The following EHBP1 variants were observed in gnomAD, a reference collection of about 807,000 sequenced individuals.
EHBP1 encodes the protein EH domain binding protein 1, also known as EH domain-binding protein 1.
In EHBP1, 55 loss-of-function variants were observed where a neutral mutation model predicts 144.0. The observed-to-expected ratio is 0.38, with a 90% CI of 0.31 to 0.48. The LOEUF (loss-of-function observed/expected upper bound fraction) is 0.48. Among genes scored for constraint, EHBP1 ranks in the 20% least tolerant of loss-of-function variants. The pLI is 0.98. For synonymous variants in EHBP1, 469 were observed against 472.7 expected (o/e 0.99, Z 0.10); for missense variants, 1,200 against 1,364.2 (o/e 0.88, Z 1.90).
chr2:62,949,223 C>CT (rs552872772), intron 13 of EHBP1, 61 bp downstream of exon 13: 1 of 1,380,142 alleles, frequency 7.2e-7, no homozygotes, highest in South Asian at 1.5e-5. Flanking sequence ...GTTTTTGTTT[C>CT]TTTTTGCATT....
At chr2:62,802,361 A>G (rs960986341) in intron 5 of EHBP1, among the ~76,000 whole-genome samples, 5 of 152,152 alleles carry the variant, frequency 3.3e-5, no homozygotes, top group African/African-American at 9.7e-5. Flanking sequence ...TAAACACTCT[A>G]TGATGCATAG....
At chr2:62,771,513 G>A (rs1402209317) in intron 5 of EHBP1, 121 bp downstream of exon 5, 4 of 677,238 alleles carry the variant, frequency 5.9e-6, no homozygotes, top group Non-Finnish European at 9.7e-6. Context: ...ATAGTGATTT[G>A]TAGCTTTTAG....
intron 1 of EHBP1, among the ~76,000 whole-genome samples, chr2:62,699,608 G>C (rs2034212402): frequency 6.6e-6 from 1 of 152,212 alleles, no homozygotes; most frequent in African/African-American, 2.4e-5. Flanking sequence ...GCACTCTAGA[G>C]TTAGGGCTGG....
intron 5 of EHBP1, among the ~76,000 whole-genome samples, chr2:62,776,761 G>T (rs1164770098): frequency 1.3e-5 from 2 of 151,968 alleles, no homozygotes; most frequent in African/African-American, 2.4e-5. Flanking sequence ...GTGTAGATAA[G>T]AATGGATACT....
chr2:62,904,789 T>C (rs948873668), intron 10 of EHBP1, among the ~76,000 whole-genome samples: 7 of 152,156 alleles, frequency 4.6e-5, no homozygotes, highest in Admixed American at 2.6e-4. Flanking sequence ...TTGTTTTTTC[T>C]TTTTTTGCGG....
intron 4 of EHBP1, 113 bp downstream of exon 4, chr2:62,764,474 T>G: frequency 2.9e-6 from 2 of 684,932 alleles, no homozygotes; most frequent in Non-Finnish European, 4.5e-6. Flanking sequence ...GTACCTACTG[T>G]GCATTATTTT....
At chr2:62,922,980 C>T (rs2055204610) in intron 10 of EHBP1, among the ~76,000 whole-genome samples, 1 of 152,198 alleles carries the variant, frequency 6.6e-6, no homozygotes, top group Non-Finnish European at 1.5e-5. Context: ...AATCATGCAG[C>T]TGCATTGCCC....
intron 10 of EHBP1, 52 bp downstream of exon 10, chr2:62,874,584 C>T (rs759917982): frequency 2.6e-5 from 37 of 1,417,254 alleles, no homozygotes; most frequent in South Asian, 1.2e-4. Context: ...GTTTTCTCCC[C>T]GTGCCATTTA....
chr2:62,990,707 A>G lies in EHBP1; in HGVS notation c.2609-9A>G, dbSNP rs1220347856. 1 of 1,613,358 alleles carries G rather than the reference A, an allele frequency of 6.2e-7. No individual in the cohort carries two copies. The highest frequency in any genetic ancestry group is 2.2e-5 in the East Asian group (1 of 44,830). On this transcript the variant is annotated splice_polypyrimidine_tract_variant and intron_variant, in intron 15 of 22. Transcript: ENST00000431489. ...ACTCAGTTATTCATGGTATTTGCAT[A>G]TTTAACAGAACAAAACAGTAAGTTG... is the stretch of plus-strand genomic sequence containing the variant.
At chr2:62,764,941 G>A (rs2041059174) in intron 4 of EHBP1, among the ~76,000 whole-genome samples, 1 of 151,948 alleles carries the variant, frequency 6.6e-6, no homozygotes, top group Non-Finnish European at 1.5e-5. Flanking sequence ...AATTTCTTTA[G>A]CCTGCTTTTG....
chr2:62,859,038 A>C (rs2049299170), intron 7 of EHBP1, 131 bp from the exon 8 acceptor site: 1 of 793,964 alleles, frequency 1.3e-6, no homozygotes, highest in Middle Eastern at 3.1e-4. Context: ...GCATTCTGTC[A>C]TTGGTAAAAT....
At chr2:62,809,707 G>A (rs935663980) in intron 5 of EHBP1, among the ~76,000 whole-genome samples, 2 of 152,132 alleles carry the variant, frequency 1.3e-5, no homozygotes, top group Admixed American at 6.5e-5. Context: ...TTATGTCCAT[G>A]TGTACTCAAT....
At chr2:62,981,234 C>T (rs2058956126) in intron 15 of EHBP1, among the ~76,000 whole-genome samples, 1 of 152,132 alleles carries the variant, frequency 6.6e-6, no homozygotes, top group Admixed American at 6.6e-5. Context: ...TGACAATTTG[C>T]TGTCATTTAT....
chr2:62,832,637 T>C (rs2046912019), intron 7 of EHBP1, among the ~76,000 whole-genome samples: 1 of 152,154 alleles, frequency 6.6e-6, no homozygotes. Context: ...TAGTGATCTA[T>C]GACCAATGAT....
chr2:63,014,700 C>A (rs2060412100), intron 19 of EHBP1, among the ~76,000 whole-genome samples: 1 of 152,184 alleles, frequency 6.6e-6, no homozygotes, highest in African/African-American at 2.4e-5. Context: ...TTGAACACGG[C>A]TGGGCACAGG....
At position 62,783,705 on chromosome 2, in the gene EHBP1, G is replaced by A. The variant is rs559586722; in HGVS notation, c.312+12313G>A. 4.3e-4 allele frequency among the ~76,000 whole-genome samples: 66 copies of A among 152,346 alleles called. 1 individual carries two copies. Among genetic ancestry groups the A allele is most frequent in the African/African-American group, 1.4e-3 (58 of 41,580 alleles). On this transcript the variant is annotated intron_variant, in intron 5 of 22. Coordinates refer to ENST00000431489, the MANE Select transcript of EHBP1 (RefSeq NM_001142616.3). ...GGCTGCACACAGCAGGGGAGCCCTG[G>A]ACCTGGCTCAGGAAACCATTTTTCC...
rs1360601724 is a variant in EHBP1 at position 62,993,917 on chromosome 2, T to A, written c.2919T>A (p.Asn973Lys). Residue 973 changes from asparagine to lysine, a missense_variant, in exon 18 of 23, where the codon AAT (asparagine) becomes AAA (lysine). By Grantham distance (94) the Asn-to-Lys change is moderately conservative (BLOSUM62 0). This residue lies in a region of EHBP1 where 543 missense variants were observed against 513.1 expected (regional missense o/e 1.06). Coordinates refer to ENST00000431489, the MANE Select transcript of EHBP1 (RefSeq NM_001142616.3). ...TACAGGAAGATACAAAGAAAGGAAATGAGGAGAAGGCAGCGATAACTGAAA... is the reference window on the plus strand; with the variant it reads ...TACAGGAAGATACAAAGAAAGGAAAAGAGGAGAAGGCAGCGATAACTGAAA... ...RSIQEDTKKG[N>K]EEKAAITETQ... The A allele has an allele frequency of 2.0e-5, 32 of 1,593,918 alleles. No homozygotes were observed. Among genetic ancestry groups the A allele is most frequent in the Admixed American group, 8.6e-5 (5 of 58,436 alleles).
chr2:62,822,922 A>G (rs1442592882), intron 5 of EHBP1, among the ~76,000 whole-genome samples: 1 of 152,158 alleles, frequency 6.6e-6, no homozygotes, highest in Non-Finnish European at 1.5e-5. Context: ...TAACAATGAG[A>G]ATAGTTATGA....
chr2:62,751,358 T>A (rs2039699687), intron 3 of EHBP1, among the ~76,000 whole-genome samples: 1 of 152,172 alleles, frequency 6.6e-6, no homozygotes, highest in Non-Finnish European at 1.5e-5. Flanking sequence ...TGGATAAGCT[T>A]TTTGATGTGC....
Sources: gnomAD v4.1 joint callset for allele counts (sites outside exome capture counted in the v4.1 genomes callset) on GRCh38, gnomAD v4.1.1 for gene constraint, gnomAD v4.1.1 regional missense constraint, MANE v1.5 for transcripts, NCBI Gene and HGNC (gene_info 2026-07-23, HGNC 2026-07-21) for gene names.